Variants in SPATA13 observed in about 807,000 individuals in gnomAD.
SPATA13 encodes the protein spermatogenesis associated 13.
SPATA13 carries 50 observed loss-of-function variants against 104.0 expected under a neutral mutation model. The ratio of observed to expected loss-of-function variants is 0.48; its 90% CI spans 0.38 to 0.61. The LOEUF is 0.61. Among genes scored for constraint, SPATA13 ranks in the 20% least tolerant of loss-of-function variants. The pLI is 0.00. For missense variants in SPATA13, 1,524 were observed against 1,690.6 expected (o/e 0.90, Z 1.73); for synonymous variants, 606 against 667.5 (o/e 0.91, Z 1.42).
chr13:24,071,640 A>G (rs545848930), intron 3 of SPATA13, among the ~76,000 whole-genome samples: 36 of 152,352 alleles, frequency 2.4e-4, no homozygotes, highest in Non-Finnish European at 1.8e-4. Flanking sequence ...CTGACCGTAC[A>G]TACAAACAGG....
intron 3 of SPATA13, among the ~76,000 whole-genome samples, chr13:24,021,180 G>A (rs967171790): frequency 2.0e-5 from 3 of 152,252 alleles, no homozygotes; most frequent in African/African-American, 7.2e-5. Flanking sequence ...GCAGGAGAGA[G>A]GAGCTGGCCT....
intron 10 of SPATA13, among the ~76,000 whole-genome samples, chr13:24,296,365 T>C (rs1254284726): frequency 6.6e-6 from 1 of 152,218 alleles, no homozygotes; most frequent in East Asian, 1.9e-4. Flanking sequence ...TCAAATCTTA[T>C]TTAACAAAGG....
chr13:24,012,123 A>G (rs1203987285), intron 2 of SPATA13, among the ~76,000 whole-genome samples: 1 of 152,224 alleles, frequency 6.6e-6, no homozygotes, highest in Non-Finnish European at 1.5e-5. Context: ...ACACACTGTC[A>G]AGAAGCCAGG....
chr13:24,127,793 A>G (rs942428161), intron 3 of SPATA13, among the ~76,000 whole-genome samples: 5 of 152,374 alleles, frequency 3.3e-5, no homozygotes, highest in South Asian at 2.1e-4. Context: ...GTTCAAAGAC[A>G]ATGGTATCAT....
At chr13:24,290,029 G>A (rs1192095253) in intron 8 of SPATA13, among the ~76,000 whole-genome samples, 3 of 152,152 alleles carry the variant, frequency 2.0e-5, no homozygotes, top group Non-Finnish European at 4.4e-5. Context: ...ATTGTCACAG[G>A]CCTCCTTGTG....
intron 3 of SPATA13, among the ~76,000 whole-genome samples, chr13:24,076,714 G>T (rs774557909): frequency 6.6e-6 from 1 of 151,662 alleles, no homozygotes; most frequent in East Asian, 1.9e-4. Context: ...GGAAGGATCC[G>T]CTCACAAGAA....
intron 1 of SPATA13, among the ~76,000 whole-genome samples, chr13:24,204,308 C>G (rs1384905713): frequency 6.6e-6 from 1 of 152,024 alleles, no homozygotes; most frequent in African/African-American, 2.4e-5. Flanking sequence ...GTTCAGAAAA[C>G]GATAGGAAAA....
intron 10 of SPATA13, among the ~76,000 whole-genome samples, chr13:24,295,617 A>G (rs1876716684): frequency 6.6e-6 from 1 of 152,048 alleles, no homozygotes; most frequent in Non-Finnish European, 1.5e-5. Flanking sequence ...GTCTCAAAAA[A>G]AAAAGGAAAG....
At chr13:24,085,555 G>A (rs781731533) in intron 3 of SPATA13, among the ~76,000 whole-genome samples, 10 of 152,176 alleles carry the variant, frequency 6.6e-5, no homozygotes, top group Admixed American at 2.6e-4. Context: ...AAAGGAGGAC[G>A]TCCGAGGGAC....
intron 8 of SPATA13, 72 bp downstream of exon 8, chr13:24,289,250 A>C: frequency 7.8e-7 from 1 of 1,278,114 alleles, no homozygotes; most frequent in Non-Finnish European, 1.1e-6. Context: ...CACAGAAAAC[A>C]GGAGTCTCTT....
In SPATA13 at chr13:23,989,049, T is replaced by C. The variant is rs570299080; in HGVS notation, c.-147+5116T>C. 3.0e-4 allele frequency among the ~76,000 whole-genome samples: 45 copies of C among 152,312 alleles called. No homozygotes were observed. In the South Asian group the frequency reaches 8.5e-3, roughly 29 times the overall value. On this transcript the variant is annotated intron_variant, in intron 2 of 14. Transcript: ENST00000424834. ...GAGTCCAGTGCAGTAGTCCATTTAC[T>C]GAAATGGTTCATATGCTGAAGAAAG...
chr13:24,257,622 T>G (rs1206947120), intron 4 of SPATA13, among the ~76,000 whole-genome samples: 1 of 151,988 alleles, frequency 6.6e-6, no homozygotes, highest in Non-Finnish European at 1.5e-5. Context: ...TTTTTTTTTT[T>G]TTGGCAAATA....
chr13:24,222,796 G>T (rs974418008), intron 1 of SPATA13, 23 bp from the exon 2 acceptor site: 20 of 1,493,464 alleles, frequency 1.3e-5, no homozygotes, highest in Non-Finnish European at 1.7e-5. Flanking sequence ...TGGCTAAACC[G>T]CCTGCTTTGT....
chr13:23,981,194 A>G (rs568539972), intron 1 of SPATA13, among the ~76,000 whole-genome samples: 43 of 152,094 alleles, frequency 2.8e-4, no homozygotes, highest in Non-Finnish European at 5.7e-4. Context: ...TTCTATGGGT[A>G]TTTTCATACA....
At chr13:24,284,599 G>A (rs989127213) in intron 5 of SPATA13, among the ~76,000 whole-genome samples, 1 of 152,182 alleles carries the variant, frequency 6.6e-6, no homozygotes, top group Non-Finnish European at 1.5e-5. Context: ...GGGAGGCGGA[G>A]GTTGCAGTGA....
At chr13:23,989,504 A>C (rs1448089155) in intron 2 of SPATA13, among the ~76,000 whole-genome samples, 1 of 152,162 alleles carries the variant, frequency 6.6e-6, no homozygotes, top group Non-Finnish European at 1.5e-5. Context: ...TGAAAAAAAC[A>C]ACCCAAAATA....
intron 3 of SPATA13, among the ~76,000 whole-genome samples, chr13:24,138,259 A>C (rs1175301233): frequency 6.6e-6 from 1 of 151,550 alleles, no homozygotes; most frequent in Non-Finnish European, 1.5e-5. Flanking sequence ...GTAAGCTGGG[A>C]TGCACCATTC....
chr13:24,253,459 C>T (rs190856963), intron 4 of SPATA13, among the ~76,000 whole-genome samples: 16 of 137,518 alleles, frequency 1.2e-4, no homozygotes, highest in Admixed American at 6.3e-4. Flanking sequence ...GCCTCTTCAG[C>T]GTTGATTAAC....
chr13:23,981,350 A>G (rs1874885451), intron 1 of SPATA13, among the ~76,000 whole-genome samples: 1 of 152,204 alleles, frequency 6.6e-6, no homozygotes, highest in Non-Finnish European at 1.5e-5. Context: ...TCTATTTTAC[A>G]AATTATGTTA....
Sources: gnomAD v4.1 joint callset for allele counts (sites outside exome capture counted in the v4.1 genomes callset) on GRCh38, gnomAD v4.1.1 for gene constraint, MANE v1.5 for transcripts, NCBI Gene and HGNC (gene_info 2026-07-23, HGNC 2026-07-21) for gene names.